Variants in DEK observed in about 807,000 individuals in gnomAD.
DEK encodes DEK proto-oncogene, also known as protein DEK.
Under a neutral mutation model 46.8 loss-of-function variants are expected in DEK, and 28 were observed. The ratio of observed to expected loss-of-function variants is 0.60; its 90% CI spans 0.44 to 0.82. The LOEUF (loss-of-function observed/expected upper bound fraction) is 0.82, where lower values mean the gene tolerates loss of function less well. Among genes scored for constraint, DEK ranks in the 40% least tolerant of loss-of-function variants. DEK has a pLI of 0.00. For missense variants in DEK, 416 were observed against 430.6 expected (o/e 0.97, Z 0.30); for synonymous variants, 160 against 144.5 (o/e 1.11, Z -0.77).
chr6:18,243,963 G>A (rs1420365081), intron 7 of DEK, among the ~76,000 whole-genome samples: 2 of 152,074 alleles, frequency 1.3e-5, no homozygotes, highest in East Asian at 1.9e-4. Context: ...TAAGACGTAC[G>A]ACTCTGTCTC....
At chr6:18,228,831 C>T (rs371718204) in intron 9 of DEK, among the ~76,000 whole-genome samples, 7 of 152,210 alleles carry the variant, frequency 4.6e-5, no homozygotes, top group Non-Finnish European at 8.8e-5. Flanking sequence ...GGGGGAGGGG[C>T]GCCCGCCATT....
At chr6:18,233,732 C>T (rs1790515109) in intron 9 of DEK, among the ~76,000 whole-genome samples, 1 of 127,440 alleles carries the variant, frequency 7.8e-6, no homozygotes, top group Admixed American at 8.2e-5. Context: ...AATAGGAACA[C>T]TTTTACACTG....
intron 1 of DEK, 33 bp downstream of exon 1, chr6:18,264,352 A>T (rs1012838476): frequency 4.0e-5 from 7 of 174,040 alleles, no homozygotes; most frequent in African/African-American, 1.7e-4. Flanking sequence ...GGCAGGGGCG[A>T]CCGGGCCTCC....
In DEK at chr6:18,263,862, CTCCTCGTCG is replaced by C. The variant is rs1157779384; in HGVS notation, c.117_125del (p.Asp39_Glu41del). The C allele has an allele frequency of 2.5e-6, 4 of 1,612,712 alleles. No homozygotes were observed. Among genetic ancestry groups the C allele is most frequent in the Non-Finnish European group, 3.4e-6 (4 of 1,179,342 alleles). On this transcript the variant is annotated inframe_deletion, in exon 2 of 11. Transcript: ENST00000652689. The stretch of plus-strand genomic sequence containing the variant: ...CCCCACCTTTTTCCTCCTCCTCCTC[CTCCTCGTCG>C]TCCTCGTCCTCTTCCTCCTCGCTCT...
intron 6 of DEK, among the ~76,000 whole-genome samples, chr6:18,252,403 G>A (rs1791416862): frequency 6.6e-6 from 1 of 150,920 alleles, no homozygotes; most frequent in African/African-American, 2.4e-5. Flanking sequence ...CAGTTACTTG[G>A]GTGGCTGAGG....
intron 6 of DEK, among the ~76,000 whole-genome samples, chr6:18,253,386 G>A (rs1791477084): frequency 6.6e-6 from 1 of 152,166 alleles, no homozygotes; most frequent in Non-Finnish European, 1.5e-5. Context: ...CTGTGAACTT[G>A]ATAGTTTACC....
chr6:18,252,222 G>C (rs780430142), intron 6 of DEK, among the ~76,000 whole-genome samples: 63 of 152,082 alleles, frequency 4.1e-4, no homozygotes, highest in Non-Finnish European at 8.5e-4. Context: ...ATAGAAAATA[G>C]CTCTAGGCCA....
chr6:18,254,033 G>A (rs1791502140), intron 6 of DEK, among the ~76,000 whole-genome samples: 1 of 151,678 alleles, frequency 6.6e-6, no homozygotes, highest in Non-Finnish European at 1.5e-5. Context: ...ACAATACATT[G>A]CAAAAGACTG....
At chr6:18,248,676 AC>A (rs1749433374) in intron 7 of DEK, among the ~76,000 whole-genome samples, 1 of 152,214 alleles carries the variant, frequency 6.6e-6, no homozygotes, top group Non-Finnish European at 1.5e-5. Flanking sequence ...AAACATACAT[AC>A]TAAACACCCA....
intron 9 of DEK, among the ~76,000 whole-genome samples, chr6:18,227,481 A>G (rs1422663349): frequency 2.6e-5 from 4 of 152,120 alleles, no homozygotes; most frequent in African/African-American, 9.7e-5. Flanking sequence ...CTATTATCCT[A>G]TGACCCTGCC....
intron 8 of DEK, 139 bp from the exon 9 acceptor site, chr6:18,236,739 A>G (rs995395548): frequency 1.3e-5 from 7 of 529,906 alleles, no homozygotes; most frequent in Admixed American, 8.2e-5. Flanking sequence ...CTCTACAGTT[A>G]CCTATAAAAC....
intron 4 of DEK, 45 bp from the exon 5 acceptor site, chr6:18,256,500 G>A (rs747794691): frequency 1.3e-5 from 19 of 1,477,598 alleles, no homozygotes; most frequent in Non-Finnish European, 1.8e-5. Flanking sequence ...ACCCAGTAAT[G>A]TACACAAGAA....
chr6:18,256,230 G>A (rs1791590289), intron 5 of DEK, 131 bp downstream of exon 5: 11 of 703,472 alleles, frequency 1.6e-5, no homozygotes, highest in Middle Eastern at 4.3e-4. Context: ...CAGGTGATAC[G>A]CCCGCCTCAG....
chr6:18,230,126 C>T (rs1409133044), intron 9 of DEK, among the ~76,000 whole-genome samples: 4 of 152,084 alleles, frequency 2.6e-5, no homozygotes, highest in South Asian at 4.1e-4. Context: ...TCCAGCTAAA[C>T]CAAGCTTCAT....
At position 18,225,338 on chromosome 6, in the gene DEK, T is replaced by C. The variant is rs1790064562; in HGVS notation, c.*381A>G. ...TACTAAATACTACAATCTCTGTATG[T>C]ATAAATCCTGGTGATAATAGTTTTT... On this transcript the variant is annotated 3_prime_UTR_variant, in exon 11 of 11. Coordinates refer to ENST00000652689, the MANE Select transcript of DEK (RefSeq NM_003472.4). 4.0e-6 allele frequency: 1 copy of C among 248,304 alleles called. No homozygotes were observed. Among genetic ancestry groups the C allele is most frequent in the Non-Finnish European group, 7.8e-6 (1 of 128,474 alleles). 15.4% of individuals were successfully genotyped at this position (248,304 alleles called of 1,614,324 possible).
At chr6:18,257,244 G>T (rs1223298099) in intron 4 of DEK, among the ~76,000 whole-genome samples, 2 of 152,160 alleles carry the variant, frequency 1.3e-5, no homozygotes, top group South Asian at 2.1e-4. Context: ...AGATACAAAT[G>T]AGATCATATG....
At chr6:18,226,398 G>C (rs1790126018) in intron 9 of DEK, among the ~76,000 whole-genome samples, 156 bp from the exon 10 acceptor site, 1 of 152,188 alleles carries the variant, frequency 6.6e-6, no homozygotes, top group Non-Finnish European at 1.5e-5. Flanking sequence ...TTCCAAATGA[G>C]TATTTTAATA....
chr6:18,246,453 CAGAGGT>C (rs1405540719), intron 7 of DEK, among the ~76,000 whole-genome samples: 1 of 152,156 alleles, frequency 6.6e-6, no homozygotes, highest in Non-Finnish European at 1.5e-5. Context: ...ATCATAAAAA[CAGAGGT>C]AGAGGTACAG....
At chr6:18,237,327 T>C (rs1385934495) in intron 8 of DEK, 54 bp downstream of exon 8, 2 of 1,550,340 alleles carry the variant, frequency 1.3e-6, no homozygotes, top group Non-Finnish European at 1.7e-6. Flanking sequence ...ATGTACAACA[T>C]ATTAATATAT....
Sources: allele counts gnomAD v4.1 joint callset (sites outside exome capture counted in the v4.1 genomes callset), GRCh38; gene constraint gnomAD v4.1.1; transcripts MANE v1.5; gene names NCBI Gene and HGNC (gene_info 2026-07-23, HGNC 2026-07-21).